Variants in CACNA2D1 observed in about 807,000 individuals in gnomAD.
CACNA2D1 encodes the protein calcium voltage-gated channel auxiliary subunit alpha2delta 1.
In CACNA2D1, 53 loss-of-function variants were observed where a neutral mutation model predicts 171.5. The ratio of observed to expected loss-of-function variants is 0.31; its 90% CI spans 0.25 to 0.39. The LOEUF is 0.39. Ranked by LOEUF, CACNA2D1 falls within the 10% of genes least tolerant of loss-of-function variation. The pLI is 1.00. For missense variants in CACNA2D1, 903 were observed against 1,299.8 expected, an observed-to-expected ratio of 0.69 and a Z score of 4.69; for synonymous variants, 442 against 443.1, an observed-to-expected ratio of 1.00 and a Z score of 0.03.
chr7:82,312,507 A>T (rs1307692984), intron 3 of CACNA2D1, among the ~76,000 whole-genome samples: 2 of 147,782 alleles, frequency 1.4e-5, no homozygotes, highest in Admixed American at 1.4e-4. Context: ...AGTTAACTGA[A>T]ACTTTTTTTT....
chr7:82,231,839 T>C (rs1802969994), intron 3 of CACNA2D1, among the ~76,000 whole-genome samples: 1 of 152,202 alleles, frequency 6.6e-6, no homozygotes, highest in African/African-American at 2.4e-5. Context: ...AGAAAAATAA[T>C]GGTAATCATG....
chr7:82,126,919 G>A (rs867542920), intron 5 of CACNA2D1, among the ~76,000 whole-genome samples: 9 of 152,148 alleles, frequency 5.9e-5, no homozygotes, highest in African/African-American at 1.9e-4. Context: ...CTGGCTTTCT[G>A]TGCATCAAGC....
chr7:82,340,610 C>A (rs1818515046), intron 2 of CACNA2D1, among the ~76,000 whole-genome samples: 1 of 152,020 alleles, frequency 6.6e-6, no homozygotes. Flanking sequence ...ATTTTCATTT[C>A]ATTTATCATT....
chr7:82,370,205 T>A (rs1822228160), intron 1 of CACNA2D1, among the ~76,000 whole-genome samples: 1 of 151,818 alleles, frequency 6.6e-6, no homozygotes, highest in South Asian at 2.1e-4. Flanking sequence ...GACAAGAAAA[T>A]AAATACAAGG....
intron 3 of CACNA2D1, among the ~76,000 whole-genome samples, chr7:82,321,940 A>C (rs985125024): frequency 4.0e-5 from 6 of 151,012 alleles, no homozygotes; most frequent in African/African-American, 9.7e-5. Flanking sequence ...TCCCGGCTAA[A>C]ACGGTGAAAC....
At chr7:82,419,770 C>CA (rs1234627540) in intron 1 of CACNA2D1, among the ~76,000 whole-genome samples, 1 of 152,092 alleles carries the variant, frequency 6.6e-6, no homozygotes, top group African/African-American at 2.4e-5. Context: ...AATTGGACAC[C>CA]ACTGGCCACG....
chr7:82,214,241 GA>G (rs1440074020), intron 3 of CACNA2D1, among the ~76,000 whole-genome samples: 2 of 152,118 alleles, frequency 1.3e-5, no homozygotes, highest in Non-Finnish European at 2.9e-5. Flanking sequence ...ACTCACATTT[GA>G]AAAGTAAACT....
chr7:81,987,592 G>T (rs1416595109), intron 21 of CACNA2D1, among the ~76,000 whole-genome samples: 1 of 152,132 alleles, frequency 6.6e-6, no homozygotes, highest in African/African-American at 2.4e-5. Flanking sequence ...TGAAAATTTT[G>T]TATCTCATTC....
chr7:82,135,748 A>G (rs1402692608), intron 5 of CACNA2D1, among the ~76,000 whole-genome samples: 1 of 152,156 alleles, frequency 6.6e-6, no homozygotes, highest in African/African-American at 2.4e-5. Context: ...AGAAAATTCC[A>G]TATAATAGTA....
chr7:82,362,618 C>T (rs1480254468), intron 1 of CACNA2D1, among the ~76,000 whole-genome samples: 1 of 152,134 alleles, frequency 6.6e-6, no homozygotes, highest in Non-Finnish European at 1.5e-5. Context: ...TTTCAACTAC[C>T]CTACATGTAT....
At chr7:82,192,309 C>A (rs909280258) in intron 3 of CACNA2D1, among the ~76,000 whole-genome samples, 1 of 151,512 alleles carries the variant, frequency 6.6e-6, no homozygotes, top group African/African-American at 2.4e-5. Context: ...CACAATAACT[C>A]TATTAATAGG....
At chr7:82,322,463 A>AATT (rs1396089519) in intron 3 of CACNA2D1, among the ~76,000 whole-genome samples, 1 of 151,114 alleles carries the variant, frequency 6.6e-6, no homozygotes, top group Non-Finnish European at 1.5e-5. Context: ...AAAAAAAAAA[A>AATT]AAAAAAAATT....
chr7:82,160,968 T>C (rs117698691), intron 4 of CACNA2D1, among the ~76,000 whole-genome samples: 2,657 of 152,194 alleles, frequency 0.017, 47 homozygotes, highest in Middle Eastern at 0.051. Flanking sequence ...AGAAAAGCTA[T>C]ACATTTACTT....
At chr7:82,056,128 T>C (rs1805880278) in intron 10 of CACNA2D1, among the ~76,000 whole-genome samples, 2 of 150,164 alleles carry the variant, frequency 1.3e-5, no homozygotes, top group African/African-American at 2.5e-5. Context: ...ATCTGCCTAA[T>C]ATGAACCAGA....
At position 82,155,318 on chromosome 7, in the gene CACNA2D1, T is replaced by C. The variant is rs149449041; in HGVS notation, c.354+15232A>G. Among the ~76,000 whole-genome samples the C allele has an allele frequency of 1.5e-3, 223 of 152,228 alleles. 1 individual carries two copies. Among genetic ancestry groups the C allele is most frequent in the African/African-American group, 5.0e-3 (208 of 41,546 alleles). ...GTACTCACCACAAATATTAAAAAGA[T>C]ATACATTATTACAATTTGCAGATGA... On this transcript the variant is annotated intron_variant, in intron 4 of 38. Coordinates refer to ENST00000356860, the MANE Select transcript of CACNA2D1 (RefSeq NM_000722.4).
intron 10 of CACNA2D1, chr7:82,051,030 G>C: frequency 5.6e-6 from 1 of 178,230 alleles, no homozygotes; most frequent in Non-Finnish European, 1.2e-5. Context: ...GTCCATGCAG[G>C]GATAACGTGT....
Position 81,948,592 on chromosome 7 carries a change from A to ATATC in CACNA2D1, c.*1796_*1799dup, listed in dbSNP as rs1052518166. The ATATC allele has an allele frequency of 2.4e-4, 37 of 152,032 alleles. No individual in the cohort carries two copies. The highest frequency in any genetic ancestry group is 8.9e-4 in the African/African-American group (37 of 41,556). The allele number at this position is 152,032 out of a possible 1,614,324, so 9.4% of individuals were successfully genotyped here. ...TTTAAGCTACGTTAAATTATTGGTT[A>ATATC]TATCTTTGATATGTGGAGCATATTA... On this transcript the variant is annotated 3_prime_UTR_variant, in exon 39 of 39. Coordinates refer to ENST00000356860, the MANE Select transcript of CACNA2D1 (RefSeq NM_000722.4).
At chr7:82,422,748 C>A (rs1828823041) in intron 1 of CACNA2D1, among the ~76,000 whole-genome samples, 3 of 152,064 alleles carry the variant, frequency 2.0e-5, no homozygotes. Flanking sequence ...AAATAGATAA[C>A]CTTGTACTAG....
chr7:81,972,745 C>T (rs1437088668), intron 25 of CACNA2D1, among the ~76,000 whole-genome samples: 1 of 151,920 alleles, frequency 6.6e-6, no homozygotes, highest in Non-Finnish European at 1.5e-5. Flanking sequence ...TGAAATTGCA[C>T]ATTTACGACA....
Sources: allele counts gnomAD v4.1 joint callset (sites outside exome capture counted in the v4.1 genomes callset), GRCh38; gene constraint gnomAD v4.1.1; transcripts MANE v1.5; gene names NCBI Gene and HGNC (gene_info 2026-07-23, HGNC 2026-07-21).